MCC: variants seen among roughly 807,000 people sequenced by gnomAD.
MCC encodes the protein MCC regulator of Wnt signaling pathway.
A neutral mutation model predicts 116.2 loss-of-function variants in MCC; 90 were observed. That is an observed-to-expected ratio of 0.77 (90% CI 0.65 to 0.92). MCC has a LOEUF of 0.92. Ranked by LOEUF, MCC falls within the 40% of genes least tolerant of loss-of-function variation. The pLI is 0.00. For synonymous variants in MCC, 578 were observed against 510.5 expected (o/e 1.13, Z -1.78); for missense variants, 1,516 against 1,312.2 (o/e 1.16, Z -2.40).
At chr5:113,095,887 T>TA (rs1457336210) in intron 8 of MCC, among the ~76,000 whole-genome samples, 1 of 151,908 alleles carries the variant, frequency 6.6e-6, no homozygotes, top group Non-Finnish European at 1.5e-5. Context: ...GAGCCTTTCT[T>TA]AAAAATAAGC....
rs142425513 is a variant in MCC, at chr5:113,406,026, G to T, written c.171-20814C>A. On this transcript the variant is annotated intron_variant, in intron 1 of 18. Transcript: ENST00000408903. The stretch of plus-strand genomic sequence containing the variant: ...TCTAAATAATTATGTCTCAAAAGCG[G>T]CACAATTCAAGGGCTAATTACTTCC... Among the ~76,000 whole-genome samples, 22 of 152,110 alleles carry T rather than the reference G, an allele frequency of 1.4e-4. No homozygotes were observed. In the East Asian group the frequency reaches 2.1e-3, roughly 15 times the overall value.
chr5:113,165,834 G>A (rs1581187431), intron 3 of MCC, among the ~76,000 whole-genome samples: 1 of 152,076 alleles, frequency 6.6e-6, no homozygotes, highest in East Asian at 1.9e-4. Context: ...GAGCTTTTGG[G>A]TAATCACAAA....
rs111555562 is a variant in MCC at position 113,074,983 on chromosome 5, C to T, written c.1785-3749G>A. On this transcript the variant is annotated intron_variant, in intron 11 of 18. Coordinates refer to ENST00000408903, the MANE Select transcript of MCC (RefSeq NM_001085377.2). ...GCTCAAGGAGCGCTTCAGCCCACCA[C>T]TGCACTGTGGGGGCCCCTCTCTGGG... Among the ~76,000 whole-genome samples the T allele has an allele frequency of 1.1e-4, 16 of 152,380 alleles. 2 individuals carry two copies. Among genetic ancestry groups the T allele is most frequent in the African/African-American group, 3.4e-4 (14 of 41,596 alleles).
chr5:113,284,495 A>C (rs570351912), intron 3 of MCC, among the ~76,000 whole-genome samples: 8 of 152,260 alleles, frequency 5.3e-5, no homozygotes, highest in Non-Finnish European at 8.8e-5. Flanking sequence ...ACATACCTTA[A>C]TGTAAATATC....
At chr5:113,460,847 G>A (rs1237704197) in intron 1 of MCC, among the ~76,000 whole-genome samples, 5 of 152,226 alleles carry the variant, frequency 3.3e-5, no homozygotes, top group Non-Finnish European at 2.9e-5. Context: ...GCCCACAACA[G>A]AACTGCAGAA....
Position 113,059,726 on chromosome 5 carries a change from C to A in MCC, c.2213+4258G>T, listed in dbSNP as rs537451465. On this transcript the variant is annotated intron_variant, in intron 14 of 18. Coordinates refer to ENST00000408903, the MANE Select transcript of MCC (RefSeq NM_001085377.2). ...CGTGATGCTCTGCTGGAGCTCCCGT[C>A]ACGCTGGCTTTCCTCTGCATCTGTT... Among the ~76,000 whole-genome samples the A allele has an allele frequency of 5.9e-5, 9 of 152,348 alleles. No individual in the cohort carries two copies. The East Asian group carries it at 1.7e-3, about 29-fold the overall frequency.
chr5:113,299,615 T>C (rs1006994356), intron 3 of MCC, among the ~76,000 whole-genome samples: 11 of 152,216 alleles, frequency 7.2e-5, no homozygotes, highest in Non-Finnish European at 1.3e-4. Context: ...TTTCAGGCTA[T>C]AAGTAAAAGG....
At chr5:113,428,738 T>A (rs1770546146) in intron 1 of MCC, 1 of 152,148 alleles carries the variant, frequency 6.6e-6, no homozygotes, top group Non-Finnish European at 1.5e-5. Context: ...AGGAAGAATT[T>A]AAGGGGAAAC....
At chr5:113,115,865 C>G (rs1757363576) in intron 6 of MCC, among the ~76,000 whole-genome samples, 1 of 152,168 alleles carries the variant, frequency 6.6e-6, no homozygotes, top group African/African-American at 2.4e-5. Flanking sequence ...AGAGAAGGGA[C>G]AGCAACTGAC....
Position 113,275,598 on chromosome 5 carries a change from T to C in MCC, c.627+64921A>G, listed in dbSNP as rs148600576. Among the ~76,000 whole-genome samples the C allele has an allele frequency of 5.3e-5, 8 of 152,334 alleles. No homozygotes were observed. In the East Asian group the frequency reaches 1.5e-3, roughly 29 times the overall value. On this transcript the variant is annotated intron_variant, in intron 3 of 18. Transcript: ENST00000408903. ...TACTAGGCTCATGCAGAGACAGGTA[T>C]AGCCCGCCCTCCATTTCCATGGATT... is the stretch of plus-strand genomic sequence containing the variant.
chr5:113,163,000 A>G (rs990303232), intron 3 of MCC, among the ~76,000 whole-genome samples: 1 of 152,152 alleles, frequency 6.6e-6, no homozygotes, highest in Non-Finnish European at 1.5e-5. Flanking sequence ...CTGCCTTTCA[A>G]CACGTGTAAT....
At chr5:113,393,763 C>T (rs1290363319) in intron 1 of MCC, among the ~76,000 whole-genome samples, 5 of 152,158 alleles carry the variant, frequency 3.3e-5, no homozygotes, top group African/African-American at 2.4e-5. Flanking sequence ...ACATTTCTTT[C>T]TTTCTCTTCA....
At chr5:113,467,079 T>A (rs1771931309) in intron 1 of MCC, among the ~76,000 whole-genome samples, 2 of 150,564 alleles carry the variant, frequency 1.3e-5, no homozygotes, top group Non-Finnish European at 3.0e-5. Context: ...AGATTCTGGA[T>A]ATTAGCCCTT....
At position 113,200,976 on chromosome 5, in the gene MCC, G is replaced by A. The variant is rs1209273866; in HGVS notation, c.628-49554C>T. Among the ~76,000 whole-genome samples the A allele has an allele frequency of 3.3e-5, 5 of 152,310 alleles. No homozygotes were observed. In the East Asian group the frequency reaches 5.8e-4, roughly 18 times the overall value. ...ACATTCTGCCATAGGTGATCTGCAGGTTATTTGGAGTATGATGGATGGAGA... is the reference window on the plus strand; with the variant it reads ...ACATTCTGCCATAGGTGATCTGCAGATTATTTGGAGTATGATGGATGGAGA... On this transcript the variant is annotated intron_variant, in intron 3 of 18. Transcript: ENST00000408903.
chr5:113,141,532 C>G (rs1759181641), intron 5 of MCC, among the ~76,000 whole-genome samples: 1 of 152,174 alleles, frequency 6.6e-6, no homozygotes, highest in South Asian at 2.1e-4. Context: ...GTGCTGAGGG[C>G]TGGGGAGATG....
At chr5:113,268,778 G>T (rs1473118509) in intron 3 of MCC, among the ~76,000 whole-genome samples, 1 of 152,062 alleles carries the variant, frequency 6.6e-6, no homozygotes, top group Non-Finnish European at 1.5e-5. Context: ...TGGTTACCTG[G>T]GAACTAGTTT....
At chr5:113,301,614 G>A (rs1186178502) in intron 3 of MCC, among the ~76,000 whole-genome samples, 1 of 152,164 alleles carries the variant, frequency 6.6e-6, no homozygotes, top group South Asian at 2.1e-4. Context: ...CCCCTTAAGT[G>A]AACAGGTCAG....
At chr5:113,371,098 G>T (rs1768827373) in intron 2 of MCC, among the ~76,000 whole-genome samples, 1 of 152,182 alleles carries the variant, frequency 6.6e-6, no homozygotes, top group South Asian at 2.1e-4. Context: ...GCGCATGCCT[G>T]GAATCCCAGC....
intron 1 of MCC, among the ~76,000 whole-genome samples, chr5:113,478,370 G>T (rs1440948024): frequency 6.6e-6 from 1 of 152,230 alleles, no homozygotes; most frequent in Non-Finnish European, 1.5e-5. Context: ...TAGAAAGGAA[G>T]ATGGTAAGAA....
Sources: allele counts gnomAD v4.1 joint callset (sites outside exome capture counted in the v4.1 genomes callset), GRCh38; gene constraint gnomAD v4.1.1; transcripts MANE v1.5; gene names NCBI Gene and HGNC (gene_info 2026-07-23, HGNC 2026-07-21).